PLCB4: variants seen among roughly 807,000 people sequenced by gnomAD.
PLCB4 encodes the protein 1-phosphatidylinositol 4,5-bisphosphate phosphodiesterase beta-4.
A neutral mutation model predicts 178.8 loss-of-function variants in PLCB4; 77 were observed. The observed-to-expected ratio is 0.43, with a 90% CI of 0.36 to 0.52. The LOEUF is 0.52. Among genes scored for constraint, PLCB4 ranks in the 20% least tolerant of loss-of-function variants. The pLI, the probability that PLCB4 is intolerant of heterozygous loss-of-function variation, is 0.00. For missense variants in PLCB4, 1,024 were observed against 1,453.4 expected (o/e 0.70, Z 4.80); for synonymous variants, 496 against 490.8 (o/e 1.01, Z -0.14).
chr20:9,473,809 T>C (rs539159936), intron 38 of PLCB4, among the ~76,000 whole-genome samples: 1 of 152,290 alleles, frequency 6.6e-6, no homozygotes, highest in African/African-American at 2.4e-5. Flanking sequence ...TTACAGGTGG[T>C]ATCTAAAGTC....
At chr20:9,367,932 G>A (rs7263079) in intron 9 of PLCB4, among the ~76,000 whole-genome samples, 14,415 of 152,188 alleles carry the variant, frequency 0.095, 1,768 homozygotes, top group African/African-American at 0.28. Context: ...GACACAAGAC[G>A]GCTGTGATTT....
chr20:9,108,089 G>A (rs1363904558), intron 2 of PLCB4, among the ~76,000 whole-genome samples: 1 of 152,108 alleles, frequency 6.6e-6, no homozygotes, highest in African/African-American at 2.4e-5. Context: ...CATTATGAGA[G>A]GTTTGAATGG....
chr20:9,394,058 G>C (rs976568421), intron 18 of PLCB4, among the ~76,000 whole-genome samples: 1 of 152,022 alleles, frequency 6.6e-6, no homozygotes, highest in Middle Eastern at 3.4e-3. Flanking sequence ...ACCTATCTAG[G>C]GATACTAGGT....
At chr20:9,244,820 T>G (rs2094107721) in intron 3 of PLCB4, among the ~76,000 whole-genome samples, 1 of 152,240 alleles carries the variant, frequency 6.6e-6, no homozygotes, top group Admixed American at 6.5e-5. Context: ...GTTGTTATTT[T>G]TCTTTTATTA....
intron 3 of PLCB4, among the ~76,000 whole-genome samples, chr20:9,229,413 G>T (rs1568986272): frequency 6.6e-6 from 1 of 152,052 alleles, no homozygotes; most frequent in Non-Finnish European, 1.5e-5. Flanking sequence ...TTAGGATGCA[G>T]TGCAGCCAGA....
intron 18 of PLCB4, among the ~76,000 whole-genome samples, chr20:9,395,142 C>T (rs1448652467): frequency 6.6e-6 from 1 of 152,200 alleles, no homozygotes; most frequent in African/African-American, 2.4e-5. Flanking sequence ...TATTTTCTAT[C>T]AGTTCCCCAT....
intron 3 of PLCB4, among the ~76,000 whole-genome samples, chr20:9,269,201 A>G (rs369657666): frequency 1.2e-4 from 19 of 152,310 alleles, no homozygotes; most frequent in African/African-American, 4.3e-4. Context: ...TTTAAAGTCC[A>G]CGGATATGCA....
chr20:9,086,902 A>G (rs193070825), intron 1 of PLCB4, among the ~76,000 whole-genome samples: 1 of 152,300 alleles, frequency 6.6e-6, no homozygotes, highest in Non-Finnish European at 1.5e-5. Context: ...TATTTCTTTT[A>G]TATTTACCCT....
chr20:9,182,941 T>C (rs1485872842), intron 2 of PLCB4, among the ~76,000 whole-genome samples: 1 of 152,158 alleles, frequency 6.6e-6, no homozygotes, highest in Non-Finnish European at 1.5e-5. Context: ...AAGAATACGC[T>C]TACAGGGCCT....
At chr20:9,289,463 T>C (rs2094561847) in intron 3 of PLCB4, among the ~76,000 whole-genome samples, 1 of 152,030 alleles carries the variant, frequency 6.6e-6, no homozygotes, top group African/African-American at 2.4e-5. Context: ...TTTTGGATAA[T>C]ATAAAATATT....
intron 12 of PLCB4, among the ~76,000 whole-genome samples, chr20:9,377,116 A>G (rs1285094453): frequency 1.3e-5 from 2 of 152,164 alleles, no homozygotes; most frequent in Non-Finnish European, 2.9e-5. Flanking sequence ...CATCTCTCCC[A>G]GTGCTACTTG....
At chr20:9,382,644 T>C (rs2037243435) in intron 13 of PLCB4, among the ~76,000 whole-genome samples, 1 of 152,198 alleles carries the variant, frequency 6.6e-6, no homozygotes, top group Non-Finnish European at 1.5e-5. Flanking sequence ...CGTGGCTTGC[T>C]CCTCACACAT....
chr20:9,261,819 G>A (rs1041564963), intron 3 of PLCB4, among the ~76,000 whole-genome samples: 3 of 152,108 alleles, frequency 2.0e-5, no homozygotes, highest in Admixed American at 1.3e-4. Flanking sequence ...TGTGCACTTC[G>A]ATACTCTCCA....
intron 25 of PLCB4, among the ~76,000 whole-genome samples, chr20:9,416,656 AAAAG>A (rs1308658115): frequency 2.0e-5 from 3 of 152,194 alleles, no homozygotes; most frequent in Non-Finnish European, 2.9e-5. Flanking sequence ...TAGCCACAAA[AAAAG>A]CTGCAAATCT....
chr20:9,376,136 C>G (rs1471497930), intron 12 of PLCB4, among the ~76,000 whole-genome samples: 1 of 152,038 alleles, frequency 6.6e-6, no homozygotes, highest in Non-Finnish European at 1.5e-5. Context: ...GACCTGACTC[C>G]TCATTGGCTT....
chr20:9,270,137 A>T (rs1033061488), intron 3 of PLCB4, among the ~76,000 whole-genome samples: 1 of 152,022 alleles, frequency 6.6e-6, no homozygotes, highest in African/African-American at 2.4e-5. Context: ...ATGACAGCTT[A>T]AAGTAATATT....
chr20:9,444,029 A>G lies in PLCB4; in HGVS notation c.2813A>G (p.Lys938Arg). Residue 938 changes from lysine to arginine, a missense_variant and splice_region_variant, in exon 31 of 40, where the codon AAG (lysine) becomes AGG (arginine). Coordinates refer to ENST00000378473, the MANE Select transcript of PLCB4 (RefSeq NM_001377142.1). ...AGGATAGAAGACTTAAAGCAGATGAAGGTAAAATTGCTTGACTATTTTGCA... is the reference window on the plus strand; with the variant it reads ...AGGATAGAAGACTTAAAGCAGATGAGGGTAAAATTGCTTGACTATTTTGCA... ...QVRIEDLKQM[K>R]AYLKHLKKQQ... 6.3e-7 allele frequency: 1 copy of G among 1,599,294 alleles called. No individual in the cohort carries two copies. Among genetic ancestry groups the G allele is most frequent in the Middle Eastern group, 1.7e-4 (1 of 5,890 alleles).
chr20:9,192,590 A>T (rs541149777), intron 2 of PLCB4, among the ~76,000 whole-genome samples: 2 of 133,734 alleles, frequency 1.5e-5, no homozygotes, highest in East Asian at 4.8e-4. Context: ...CAGTGGTGTG[A>T]TCACCGTTCA....
chr20:9,457,777 A>C (rs2043146303), intron 34 of PLCB4, among the ~76,000 whole-genome samples: 1 of 152,238 alleles, frequency 6.6e-6, no homozygotes, highest in African/African-American at 2.4e-5. Flanking sequence ...AAATGAAGAT[A>C]CTAAAAGGAA....
Sources: allele counts gnomAD v4.1 joint callset (sites outside exome capture counted in the v4.1 genomes callset), GRCh38; gene constraint gnomAD v4.1.1; transcripts MANE v1.5; gene names NCBI Gene and HGNC (gene_info 2026-07-23, HGNC 2026-07-21).